The following WWP2 variants were observed in gnomAD, a reference collection of about 807,000 sequenced individuals.
WWP2 encodes the protein WW domain containing E3 ubiquitin protein ligase 2, also known as NEDD4-like E3 ubiquitin-protein ligase WWP2.
A neutral mutation model predicts 121.0 loss-of-function variants in WWP2; 57 were observed. The ratio of observed to expected loss-of-function variants is 0.47; its 90% confidence interval spans 0.38 to 0.59. The LOEUF is 0.59. WWP2 is among the 20% of genes least tolerant of loss of function. The probability of loss-of-function intolerance (pLI) is 0.00; values close to 1 mark genes in which losing one functional copy is unlikely to be tolerated. For synonymous variants in WWP2, 449 were observed against 441.3 expected, an observed-to-expected ratio of 1.02 and a Z score of -0.22; for missense variants, 962 against 1,158.9, an observed-to-expected ratio of 0.83 and a Z score of 2.47.
chr16:69,931,005 TC>T (rs2151990269), intron 13 of WWP2, 146 bp from the exon 14 acceptor site: 1 of 737,380 alleles, frequency 1.4e-6, no homozygotes, highest in South Asian at 1.9e-5. Context: ...TTTTTATTCT[TC>T]AAGGATCTTA....
chr16:69,878,506 C>T (rs1399452392), intron 7 of WWP2, among the ~76,000 whole-genome samples: 1 of 152,114 alleles, frequency 6.6e-6, no homozygotes, highest in Non-Finnish European at 1.5e-5. Context: ...TGAATATATA[C>T]ATTTTTCACT....
At chr16:69,871,322 G>T (rs1254901390) in intron 6 of WWP2, among the ~76,000 whole-genome samples, 1 of 152,156 alleles carries the variant, frequency 6.6e-6, no homozygotes, top group Non-Finnish European at 1.5e-5. Flanking sequence ...GTCAACATAT[G>T]CATTGACTAA....
At chr16:69,843,045 G>A (rs2151875752) in intron 6 of WWP2, among the ~76,000 whole-genome samples, 1 of 152,146 alleles carries the variant, frequency 6.6e-6, no homozygotes, top group South Asian at 2.1e-4. Flanking sequence ...ATGAAGATTG[G>A]GACTGGCTAA....
At chr16:69,932,269 G>A (rs1480304464) in intron 16 of WWP2, among the ~76,000 whole-genome samples, 1 of 152,284 alleles carries the variant, frequency 6.6e-6, no homozygotes, top group Non-Finnish European at 1.5e-5. Context: ...GCAGGAGGTT[G>A]CAGTGAGCCG....
intron 8 of WWP2, among the ~76,000 whole-genome samples, chr16:69,904,487 G>A (rs1299230687): frequency 2.0e-5 from 3 of 151,708 alleles, no homozygotes; most frequent in African/African-American, 7.3e-5. Context: ...TCCTGCCTCA[G>A]TCTCCTGAGT....
intron 1 of WWP2, among the ~76,000 whole-genome samples, chr16:69,779,662 G>A (rs1263894856): frequency 1.3e-5 from 2 of 152,154 alleles, no homozygotes; most frequent in African/African-American, 2.4e-5. Context: ...AGGAGAACAA[G>A]ATAGTTTAAA....
At chr16:69,931,438 G>C in intron 14 of WWP2, 71 bp from the exon 15 acceptor site, 1 of 1,597,134 alleles carries the variant, frequency 6.3e-7, no homozygotes, top group East Asian at 2.2e-5. Flanking sequence ...GGGAATGCCT[G>C]TTCATACAGA....
At chr16:69,861,942 C>G (rs2057429396) in intron 6 of WWP2, among the ~76,000 whole-genome samples, 1 of 152,040 alleles carries the variant, frequency 6.6e-6, no homozygotes, top group African/African-American at 2.4e-5. Flanking sequence ...GGGGAGCCCT[C>G]TTGGTTCTAG....
chr16:69,785,059 A>G (rs2055754069), intron 1 of WWP2, among the ~76,000 whole-genome samples: 1 of 152,030 alleles, frequency 6.6e-6, no homozygotes, highest in African/African-American at 2.4e-5. Flanking sequence ...AACATGGCGA[A>G]ACCCCATCTC....
chr16:69,939,512 G>A, intron 23 of WWP2, 99 bp downstream of exon 23: 1 of 1,309,746 alleles, frequency 7.6e-7, no homozygotes, highest in Non-Finnish European at 1.1e-6. Context: ...CTCGAGTCTG[G>A]CAGCTTTTGC....
At position 69,941,261 on chromosome 16, in the gene WWP2, G is replaced by C. The variant is rs959634815; in HGVS notation, c.*1321G>C. 6.5e-6 allele frequency: 1 copy of C among 152,802 alleles called. No homozygotes were observed. Among genetic ancestry groups the C allele is most frequent in the Non-Finnish European group, 1.5e-5 (1 of 68,086 alleles). 9.5% of individuals were successfully genotyped at this position (152,802 alleles called of 1,614,324 possible). ...CATGCCCCACCGGGGTGCTGGGGCA[G>C]TAGTCATGGCAGACTCCCGGCCTGG... On this transcript the variant is annotated 3_prime_UTR_variant, in exon 24 of 24. Coordinates refer to ENST00000359154, the MANE Select transcript of WWP2 (RefSeq NM_001270454.2).
At chr16:69,823,232 A>G (rs935691651) in intron 4 of WWP2, among the ~76,000 whole-genome samples, 11 of 152,206 alleles carry the variant, frequency 7.2e-5, no homozygotes, top group Non-Finnish European at 2.9e-5. Flanking sequence ...TAATCAGTAT[A>G]AAGAAAAGTA....
chr16:69,900,524 CT>C (rs58813634), intron 8 of WWP2, among the ~76,000 whole-genome samples: 17,256 of 147,114 alleles, frequency 0.12, 1,304 homozygotes, highest in African/African-American at 0.22. Context: ...ATGTTGCCAA[CT>C]TTTTTTTTTT....
At chr16:69,806,739 TTTTAC>T (rs1212276190) in intron 4 of WWP2, among the ~76,000 whole-genome samples, 1 of 152,170 alleles carries the variant, frequency 6.6e-6, no homozygotes, top group Non-Finnish European at 1.5e-5. Flanking sequence ...CTGTAATATT[TTTTAC>T]TTTAAATTTT....
chr16:69,937,540 C>T lies in WWP2; in HGVS notation c.2239-8C>T, dbSNP rs2058818143. ...CTGCCGGGGATGCTGACTGCCGCCT[C>T]TCCCCAGCTGATGCTGTGCGGCATG... On this transcript the variant is annotated splice_region_variant and splice_polypyrimidine_tract_variant and intron_variant, in intron 20 of 23. Coordinates refer to ENST00000359154, the MANE Select transcript of WWP2 (RefSeq NM_001270454.2). This position sits in a 1 kb window ranked among gnomAD's most constrained non-coding sequence, Gnocchi z 6.6. The T allele has an allele frequency of 6.2e-7, 1 of 1,613,762 alleles. No individual in the cohort carries two copies. The highest frequency in any genetic ancestry group is 1.3e-5 in the African/African-American group (1 of 74,902).
chr16:69,929,996 C>T lies in WWP2; in HGVS notation c.1317-134C>T. On this transcript the variant is annotated intron_variant, in intron 12 of 23. Transcript: ENST00000359154. ...AACTGTTCTCACGACTTGGGTCATG[C>T]TTCTTGGGTGCATGTCCTCAAAGTC... The T allele has an allele frequency of 2.2e-6, 3 of 1,354,636 alleles. No homozygotes were observed. The South Asian group carries it at 4.0e-5, about 18-fold the overall frequency. 83.9% of individuals were successfully genotyped at this position (1,354,636 alleles called of 1,614,324 possible).
chr16:69,931,043 T>C, intron 13 of WWP2, 109 bp from the exon 14 acceptor site: 1 of 1,028,224 alleles, frequency 9.7e-7, no homozygotes, highest in Non-Finnish European at 1.5e-6. Context: ...CACCTTACAT[T>C]ACTAATCTTT....
At chr16:69,912,840 C>T (rs1474139359) in intron 9 of WWP2, among the ~76,000 whole-genome samples, 2 of 141,820 alleles carry the variant, frequency 1.4e-5, no homozygotes, top group Non-Finnish European at 3.0e-5. Flanking sequence ...GTAGAACTTC[C>T]AGAGGCCAAG....
At chr16:69,916,439 G>T (rs73576131) in intron 9 of WWP2, among the ~76,000 whole-genome samples, 13,911 of 152,152 alleles carry the variant, frequency 0.091, 2,116 homozygotes, top group African/African-American at 0.31. Context: ...TTTTGAGCAG[G>T]AGTGTGACCG....
Sources: gnomAD v4.1 joint callset for allele counts (sites outside exome capture counted in the v4.1 genomes callset) on GRCh38, gnomAD v4.1.1 for gene constraint, Gnocchi (gnomAD v3.1) non-coding constraint, MANE v1.5 for transcripts, NCBI Gene and HGNC (gene_info 2026-07-23, HGNC 2026-07-21) for gene names.